NRG1: variants seen among roughly 807,000 people sequenced by gnomAD.
NRG1 encodes neuregulin 1, also known as pro-neuregulin-1, membrane-bound isoform.
In NRG1, 18 loss-of-function variants were observed where a neutral mutation model predicts 63.8. The ratio of observed to expected loss-of-function variants is 0.28; its 90% CI spans 0.19 to 0.42. The LOEUF is 0.42. Ranked by LOEUF, NRG1 falls within the 10% of genes least tolerant of loss-of-function variation. The probability of loss-of-function intolerance (pLI) is 1.00; values close to 1 mark genes in which losing one functional copy is unlikely to be tolerated. For missense variants in NRG1, 762 were observed against 814.7 expected (o/e 0.94, Z 0.79); for synonymous variants, 302 against 301.3 (o/e 1.00, Z -0.02).
At chr8:32,096,869 G>A (rs905147358) in intron 1 of NRG1, among the ~76,000 whole-genome samples, 3 of 152,144 alleles carry the variant, frequency 2.0e-5, no homozygotes, top group East Asian at 3.9e-4. Context: ...TTCAACATGA[G>A]GTGTATAGAG....
At chr8:32,090,296 C>T (rs947902319) in intron 1 of NRG1, among the ~76,000 whole-genome samples, 1 of 152,160 alleles carries the variant, frequency 6.6e-6, no homozygotes, top group African/African-American at 2.4e-5. Flanking sequence ...GATAAATTTA[C>T]ATCTAGCTGA....
chr8:32,473,188 T>A (rs1003403034), intron 1 of NRG1, among the ~76,000 whole-genome samples: 2 of 152,248 alleles, frequency 1.3e-5, no homozygotes, highest in Admixed American at 6.5e-5. Context: ...GAGAATGGAC[T>A]GGATGAATGC....
chr8:32,229,048 A>T (rs1846624407), intron 1 of NRG1, among the ~76,000 whole-genome samples: 1 of 152,160 alleles, frequency 6.6e-6, no homozygotes. Flanking sequence ...AACTTGGTAT[A>T]AAAAAAGCCT....
intron 1 of NRG1, among the ~76,000 whole-genome samples, chr8:32,270,011 T>C (rs1446051536): frequency 2.6e-5 from 4 of 152,172 alleles, no homozygotes; most frequent in Admixed American, 2.6e-4. Flanking sequence ...ATCTGCTTTT[T>C]ATACATAAAT....
intron 1 of NRG1, among the ~76,000 whole-genome samples, chr8:31,873,791 T>C (rs1829691124): frequency 6.6e-6 from 1 of 152,198 alleles, no homozygotes; most frequent in African/African-American, 2.4e-5. Context: ...TGCAGAGGAA[T>C]TTGTGTGTTT....
intron 1 of NRG1, among the ~76,000 whole-genome samples, chr8:31,832,515 T>A (rs1005469696): frequency 6.6e-6 from 1 of 152,114 alleles, no homozygotes; most frequent in Non-Finnish European, 1.5e-5. Context: ...CACCAAAGCC[T>A]CCCAAAGTGC....
At chr8:32,533,190 C>T (rs559971715) in intron 1 of NRG1, among the ~76,000 whole-genome samples, 51 of 151,790 alleles carry the variant, frequency 3.4e-4, no homozygotes, top group Non-Finnish European at 7.2e-4. Context: ...ACGCAATTTC[C>T]CAAAATGATA....
chr8:31,999,111 C>T (rs1812511044), intron 1 of NRG1, among the ~76,000 whole-genome samples: 1 of 151,470 alleles, frequency 6.6e-6, no homozygotes, highest in South Asian at 2.1e-4. Context: ...ATGCACTGAC[C>T]TTCTGTAAAA....
chr8:31,853,721 C>A (rs1170131533), intron 1 of NRG1, among the ~76,000 whole-genome samples: 1 of 150,914 alleles, frequency 6.6e-6, no homozygotes, highest in Non-Finnish European at 1.5e-5. Context: ...CAGTTTTTGC[C>A]CATTCAGTAT....
intron 1 of NRG1, among the ~76,000 whole-genome samples, chr8:31,816,615 A>G (rs1216582159): frequency 6.6e-6 from 1 of 152,208 alleles, no homozygotes; most frequent in East Asian, 1.9e-4. Context: ...CACTTTGTGA[A>G]CTAGACAAGG....
chr8:32,676,061 A>G (rs1026944902), intron 5 of NRG1, among the ~76,000 whole-genome samples: 7 of 152,220 alleles, frequency 4.6e-5, no homozygotes, highest in African/African-American at 1.7e-4. Flanking sequence ...TGGTAAAAGT[A>G]GCAATTATTG....
At chr8:31,682,802 C>G (rs985573420) in intron 1 of NRG1, among the ~76,000 whole-genome samples, 4 of 152,040 alleles carry the variant, frequency 2.6e-5, no homozygotes, top group African/African-American at 4.8e-5. Flanking sequence ...GTATAATGCT[C>G]AAAACATACA....
chr8:32,399,383 A>C (rs1164856517), intron 1 of NRG1, among the ~76,000 whole-genome samples: 1 of 152,218 alleles, frequency 6.6e-6, no homozygotes, highest in Non-Finnish European at 1.5e-5. Flanking sequence ...TTTTCATCCC[A>C]AAGTGACTTT....
At chr8:32,762,945 C>T (rs2129061238) in intron 11 of NRG1, among the ~76,000 whole-genome samples, 1 of 152,248 alleles carries the variant, frequency 6.6e-6, no homozygotes, top group Non-Finnish European at 1.5e-5. Flanking sequence ...ACCCTTGAGG[C>T]ATCATGAAAG....
chr8:31,789,716 T>C (rs1820514755), intron 1 of NRG1, among the ~76,000 whole-genome samples: 1 of 152,172 alleles, frequency 6.6e-6, no homozygotes, highest in East Asian at 1.9e-4. Flanking sequence ...TTACGCAAAA[T>C]GTCATGGCCC....
chr8:32,657,827 A>G (rs1232737881), intron 5 of NRG1, among the ~76,000 whole-genome samples: 2 of 152,216 alleles, frequency 1.3e-5, no homozygotes, highest in Admixed American at 1.3e-4. Context: ...GATTAGTGGC[A>G]GAGTTCAGGG....
At chr8:32,634,120 G>GAAAAAAAAAAAAAAAAAAAA (rs1563814503) in intron 5 of NRG1, among the ~76,000 whole-genome samples, 5 of 97,726 alleles carry the variant, frequency 5.1e-5, no homozygotes, top group African/African-American at 2.7e-4. Context: ...AAAAAAAAAG[G>GAAAAAAAAAAAAAAAAAAAA]TTGCATAAAG....
chr8:32,634,754 T>G (rs908402764), intron 5 of NRG1, among the ~76,000 whole-genome samples: 5 of 152,328 alleles, frequency 3.3e-5, no homozygotes, highest in African/African-American at 1.2e-4. Context: ...CAATGATCTC[T>G]TATGTAATTG....
intron 1 of NRG1, among the ~76,000 whole-genome samples, chr8:32,066,526 T>G (rs1475831263): frequency 1.3e-5 from 2 of 152,108 alleles, no homozygotes; most frequent in Non-Finnish European, 2.9e-5. Context: ...CTGAGGGCTC[T>G]GTTCTGTTCC....
Sources: allele counts gnomAD v4.1 joint callset (sites outside exome capture counted in the v4.1 genomes callset), GRCh38; gene constraint gnomAD v4.1.1; transcripts MANE v1.5; gene names NCBI Gene and HGNC (gene_info 2026-07-23, HGNC 2026-07-21).